RIMS1: variants seen among roughly 807,000 people sequenced by gnomAD.
RIMS1 encodes regulating synaptic membrane exocytosis 1.
Under a neutral mutation model 214.1 loss-of-function variants are expected in RIMS1, and 83 were observed. That is an observed-to-expected ratio of 0.39 (90% CI 0.32 to 0.47). The LOEUF (loss-of-function observed/expected upper bound fraction) is 0.47. Ranked by LOEUF, RIMS1 falls within the 20% of genes least tolerant of loss-of-function variation. The probability of loss-of-function intolerance (pLI) is 0.99; values close to 1 mark genes in which losing one functional copy is unlikely to be tolerated. For synonymous variants in RIMS1, 793 were observed against 786.8 expected, an observed-to-expected ratio of 1.01 and a Z score of -0.13; for missense variants, 2,050 against 2,161.8, an observed-to-expected ratio of 0.95 and a Z score of 1.03.
At chr6:72,152,900 A>C (rs1219783823) in intron 4 of RIMS1, among the ~76,000 whole-genome samples, 1 of 132,246 alleles carries the variant, frequency 7.6e-6, no homozygotes, top group Non-Finnish European at 1.6e-5. Flanking sequence ...ATATGTATAT[A>C]TATGGAATAT....
chr6:72,365,639 G>A (rs927344769), intron 29 of RIMS1: 29 of 152,250 alleles, frequency 1.9e-4, no homozygotes, highest in African/African-American at 6.3e-4. Context: ...GCATAAACCA[G>A]GATTATCCTG....
chr6:72,166,733 C>T (rs901708897), intron 4 of RIMS1, among the ~76,000 whole-genome samples: 3 of 111,612 alleles, frequency 2.7e-5, no homozygotes, highest in Non-Finnish European at 5.5e-5. Flanking sequence ...AAAAGTAACT[C>T]TCTTAATTGT....
At chr6:72,180,553 G>A (rs894239397) in intron 5 of RIMS1, among the ~76,000 whole-genome samples, 1 of 152,178 alleles carries the variant, frequency 6.6e-6, no homozygotes, top group East Asian at 1.9e-4. Flanking sequence ...GTAGGTGAAA[G>A]GGAAGCCACT....
intron 2 of RIMS1, among the ~76,000 whole-genome samples, chr6:71,987,800 TG>T (rs1378470844): frequency 9.2e-5 from 14 of 152,178 alleles, no homozygotes; most frequent in Admixed American, 9.2e-4. Flanking sequence ...TTTCATTTTG[TG>T]AAGAGAAGAA....
chr6:72,113,258 G>A lies in RIMS1; in HGVS notation c.471+13272G>A, dbSNP rs183354186. Among the ~76,000 whole-genome samples the A allele has an allele frequency of 1.7e-3, 254 of 152,110 alleles. 1 individual carries two copies. Among genetic ancestry groups the A allele is most frequent in the African/African-American group, 5.3e-3 (222 of 41,504 alleles). Reference sequence around the variant, plus strand: ...TTATTTCAAAGCCTTCCATTCATCCGTCTTGGATCATGGATTGACCATTGT... The same window carrying A: ...TTATTTCAAAGCCTTCCATTCATCCATCTTGGATCATGGATTGACCATTGT... On this transcript the variant is annotated intron_variant, in intron 4 of 33. Transcript: ENST00000521978.
rs112407612 is a variant in RIMS1, at chr6:71,950,763, AC to A, written c.165-18218del. Among the ~76,000 whole-genome samples, 87 of 152,298 alleles carry A rather than the reference AC, an allele frequency of 5.7e-4. 2 individuals are homozygous for A. Among genetic ancestry groups the A allele is most frequent in the African/African-American group, 2.1e-3 (86 of 41,572 alleles). On this transcript the variant is annotated intron_variant, in intron 1 of 33. Transcript: ENST00000521978. ...TTTTTTTCCGACTGAGGCAGCTTCT[AC>A]CTTTACAGCTAGTTTTTAAGTATTA...
chr6:71,944,959 C>T (rs557776549), intron 1 of RIMS1, among the ~76,000 whole-genome samples: 62 of 152,304 alleles, frequency 4.1e-4, no homozygotes, highest in African/African-American at 1.4e-3. Flanking sequence ...GGGAAGGGTC[C>T]TGCAGATTTG....
intron 28 of RIMS1, among the ~76,000 whole-genome samples, chr6:72,325,495 A>T (rs182546630): frequency 4.1e-4 from 62 of 151,394 alleles, no homozygotes; most frequent in African/African-American, 1.3e-3. Context: ...AATTTTGCAG[A>T]GTCACTGGGT....
intron 4 of RIMS1, among the ~76,000 whole-genome samples, chr6:72,157,369 TGTCA>T (rs1225408943): frequency 2.1e-5 from 3 of 140,598 alleles, no homozygotes; most frequent in African/African-American, 7.4e-5. Flanking sequence ...CTGTATGTTC[TGTCA>T]GTTACAGATG....
intron 29 of RIMS1, among the ~76,000 whole-genome samples, chr6:72,339,162 G>C (rs563792686): frequency 6.6e-5 from 10 of 151,886 alleles, no homozygotes; most frequent in African/African-American, 2.4e-4. Flanking sequence ...CATTCCAAGA[G>C]GCTTTCTTGA....
intron 27 of RIMS1, among the ~76,000 whole-genome samples, chr6:72,309,422 G>A (rs1262861248): frequency 6.6e-6 from 1 of 152,100 alleles, no homozygotes; most frequent in African/African-American, 2.4e-5. Context: ...GTTAAAATTA[G>A]TAGAGCCTCT....
intron 2 of RIMS1, among the ~76,000 whole-genome samples, chr6:71,970,646 C>G (rs1398529700): frequency 1.3e-5 from 2 of 152,198 alleles, no homozygotes; most frequent in African/African-American, 4.8e-5. Flanking sequence ...GGAAACTTCC[C>G]TGTGGCTCTT....
At chr6:71,948,955 G>A (rs778654689) in intron 1 of RIMS1, among the ~76,000 whole-genome samples, 13 of 152,166 alleles carry the variant, frequency 8.5e-5, no homozygotes, top group Non-Finnish European at 1.6e-4. Context: ...AATAGAGTGA[G>A]GGCATAAGCT....
chr6:72,123,773 T>A (rs1221123083), intron 4 of RIMS1, among the ~76,000 whole-genome samples: 2 of 151,888 alleles, frequency 1.3e-5, no homozygotes, highest in Non-Finnish European at 2.9e-5. Context: ...AAGTCTGTTT[T>A]ATCAGAGACT....
intron 1 of RIMS1, among the ~76,000 whole-genome samples, chr6:71,944,992 A>G (rs569562492): frequency 4.6e-5 from 7 of 152,290 alleles, no homozygotes; most frequent in Non-Finnish European, 7.4e-5. Flanking sequence ...AAAGTATAAC[A>G]TCTATGTTTT....
intron 4 of RIMS1, among the ~76,000 whole-genome samples, chr6:72,132,557 G>T (rs2040609035): frequency 6.6e-6 from 1 of 152,062 alleles, no homozygotes; most frequent in Non-Finnish European, 1.5e-5. Flanking sequence ...TAGTTGTTAA[G>T]GTAACCTTAT....
chr6:72,365,273 T>C lies in RIMS1; in HGVS notation c.4367-25325T>C, dbSNP rs77389768. On this transcript the variant is annotated intron_variant, in intron 29 of 33. Transcript: ENST00000521978. ...TCCCTGCTGGGGTCCTCTGGCAGGATTTTAACACTGTTTATATTCCACCTT... is the reference window on the plus strand; with the variant it reads ...TCCCTGCTGGGGTCCTCTGGCAGGACTTTAACACTGTTTATATTCCACCTT... 6.2e-3 allele frequency among the ~76,000 whole-genome samples: 937 copies of C among 152,340 alleles called. 7 individuals carry two copies. The highest frequency in any genetic ancestry group is 0.022 in the African/African-American group (909 of 41,578).
At chr6:71,943,879 A>G (rs9351877) in intron 1 of RIMS1, among the ~76,000 whole-genome samples, 309 of 152,318 alleles carry the variant, frequency 2.0e-3, no homozygotes, top group South Asian at 0.01. Context: ...GCTTCAGTCT[A>G]TTAAGTGATA....
intron 2 of RIMS1, among the ~76,000 whole-genome samples, chr6:72,010,345 T>C (rs1183248076): frequency 1.3e-5 from 2 of 152,180 alleles, no homozygotes; most frequent in East Asian, 3.8e-4. Context: ...TAATAAGAGC[T>C]ATCTATGACA....
Sources: allele counts gnomAD v4.1 joint callset (sites outside exome capture counted in the v4.1 genomes callset), GRCh38; gene constraint gnomAD v4.1.1; transcripts MANE v1.5; gene names NCBI Gene and HGNC (gene_info 2026-07-23, HGNC 2026-07-21).